CKAP5: variants seen among roughly 807,000 people sequenced by gnomAD.
CKAP5 encodes the protein cytoskeleton-associated protein 5.
Under a neutral mutation model 232.8 loss-of-function variants are expected in CKAP5, and 27 were observed. The observed-to-expected ratio is 0.12, with a 90% confidence interval of 0.09 to 0.16. CKAP5 has a LOEUF of 0.16. Among genes scored for constraint, CKAP5 ranks in the 10% least tolerant of loss-of-function variants. The pLI is 1.00. For synonymous variants in CKAP5, 785 were observed against 841.1 expected (o/e 0.93, Z 1.16); for missense variants, 1,838 against 2,424.7 (o/e 0.76, Z 5.08).
intron 3 of CKAP5, among the ~76,000 whole-genome samples, chr11:46,817,271 C>T (rs977953172): frequency 4.6e-5 from 7 of 152,126 alleles, no homozygotes; most frequent in Non-Finnish European, 8.8e-5. Context: ...CATGCCACTG[C>T]ATCTGGGCAA....
At chr11:46,817,108 A>G (rs1355458454) in intron 3 of CKAP5, among the ~76,000 whole-genome samples, 1 of 151,618 alleles carries the variant, frequency 6.6e-6, no homozygotes, top group Non-Finnish European at 1.5e-5. Flanking sequence ...CTGTGTATCA[A>G]AAAGAAAAAA....
intron 6 of CKAP5, 34 bp from the exon 7 acceptor site, chr11:46,809,534 T>C (rs754197199): frequency 1.3e-6 from 2 of 1,511,546 alleles, no homozygotes; most frequent in Non-Finnish European, 1.8e-6. Context: ...ACCTTAAAAA[T>C]GCTTAGAATT....
Position 46,801,227 on chromosome 11 carries a change from C to A in CKAP5, c.1056G>T (p.Arg352Ser). ...GTCCTGCATATTGTCCAAATTTCTT[C>A]CTTAGCCCAACAGCCAGGCCAGTAA... is the stretch of plus-strand genomic sequence containing the variant. ...KCLTGLAVGL[R>S]KKFGQYAGHV... Residue 352 changes from arginine (R) to serine (S), a missense_variant, in exon 9 of 44, where the codon AGG becomes AGT. Transcript: ENST00000529230. The A allele has an allele frequency of 6.2e-7, 1 of 1,613,602 alleles. No homozygotes were observed. The highest frequency in any genetic ancestry group is 8.5e-7 in the Non-Finnish European group (1 of 1,179,586).
chr11:46,822,622 G>C (rs962958602), intron 1 of CKAP5, among the ~76,000 whole-genome samples: 3 of 151,438 alleles, frequency 2.0e-5, no homozygotes, highest in Admixed American at 2.0e-4. Flanking sequence ...TTGGTGGCTG[G>C]CGCCTGCAGT....
At position 46,777,445 on chromosome 11, in the gene CKAP5, G is replaced by C. The variant is rs2065300429; in HGVS notation, c.2856C>G (p.Asp952Glu). 2 of 1,602,042 alleles carry C rather than the reference G, an allele frequency of 1.2e-6. No homozygotes were observed. The highest frequency in any genetic ancestry group is 1.7e-6 in the Non-Finnish European group (2 of 1,169,138). ...TGAAAAGAGTTAGGTTTACCTTGCT[G>C]TCTCCAAGGACTGTGATGATAGGGA... ...LGIPIITVLG[D>E]SKNNVRAAAL... Residue 952 changes from aspartate (D) to glutamate (E), a missense_variant, in exon 23 of 44, where the codon GAC becomes GAG. Transcript: ENST00000529230.
chr11:46,780,263 G>A lies in CKAP5; in HGVS notation c.2364C>T (p.Pro788=). 1 of 1,614,022 alleles carries A rather than the reference G, an allele frequency of 6.2e-7. No homozygotes were observed. The highest frequency in any genetic ancestry group is 1.6e-4 in the Middle Eastern group (1 of 6,062). ...CATCCTCAAAGAACATTCGCAAAGA[G>A]GGACCAACATACAGATACATCACGC... The part of the protein sequence containing the change: ...LLGVMYLYVG[P]SLRMFFEDEK... The change falls in exon 20 of 44, where the codon CCC becomes CCT. Residue 788 remains proline (P), a synonymous_variant. Coordinates refer to ENST00000529230, the MANE Select transcript of CKAP5 (RefSeq NM_001008938.4).
At chr11:46,788,518 G>A (rs1274321356) in intron 16 of CKAP5, among the ~76,000 whole-genome samples, 163 bp downstream of exon 16, 7 of 151,938 alleles carry the variant, frequency 4.6e-5, no homozygotes, top group Admixed American at 1.3e-4. Context: ...AGGTTGTGGT[G>A]AGCCAAGGTC....
intron 1 of CKAP5, among the ~76,000 whole-genome samples, chr11:46,827,996 C>CTAATT (rs772836306): frequency 1.1e-4 from 16 of 152,258 alleles, no homozygotes; most frequent in Non-Finnish European, 2.1e-4. Context: ...ATTACTCCAC[C>CTAATT]TAATTTAGAT....
intron 3 of CKAP5, among the ~76,000 whole-genome samples, 200 bp from the exon 4 acceptor site, chr11:46,816,604 T>C (rs1337503161): frequency 6.6e-6 from 1 of 152,132 alleles, no homozygotes; most frequent in Non-Finnish European, 1.5e-5. Flanking sequence ...GCAGGCATAG[T>C]AACAGTTTAT....
In CKAP5 at chr11:46,772,417, A is replaced by G. The variant is rs370030683; in HGVS notation, c.2992-1435T>C. 1.4e-3 allele frequency among the ~76,000 whole-genome samples: 213 copies of G among 152,294 alleles called. 4 individuals are homozygous for G. The South Asian group carries it at 0.041, about 29-fold the overall frequency. On this transcript the variant is annotated intron_variant, in intron 24 of 43. Transcript: ENST00000529230. ...CTGGAGATTTTCTAGTTTGCACTTAAAAGTTCTATAGTTTTATGTTTCAAA... is the reference window on the plus strand; with the variant it reads ...CTGGAGATTTTCTAGTTTGCACTTAGAAGTTCTATAGTTTTATGTTTCAAA...
At chr11:46,802,529 G>A (rs1939052210) in intron 8 of CKAP5, among the ~76,000 whole-genome samples, 2 of 149,052 alleles carry the variant, frequency 1.3e-5, no homozygotes, top group African/African-American at 2.6e-5. Context: ...GGGTACCAGA[G>A]CAAGACAGAC....
At chr11:46,821,451 G>A (rs1304264591) in intron 1 of CKAP5, among the ~76,000 whole-genome samples, 183 bp from the exon 2 acceptor site, 1 of 127,074 alleles carries the variant, frequency 7.9e-6, no homozygotes, top group East Asian at 2.2e-4. Flanking sequence ...TTGAGACGGA[G>A]TCTCGCTCTG....
At chr11:46,838,793 CAAAAAAAAAAAAA>C (rs71042626) in intron 1 of CKAP5, among the ~76,000 whole-genome samples, 3 of 45,930 alleles carry the variant, frequency 6.5e-5, no homozygotes, top group Non-Finnish European at 9.8e-5. Context: ...GACCCCATCT[CAAAAAAAAAAAAA>C]AAAAAAAAAA....
chr11:46,825,856 C>A (rs909607034), intron 1 of CKAP5, among the ~76,000 whole-genome samples: 1 of 151,922 alleles, frequency 6.6e-6, no homozygotes, highest in Non-Finnish European at 1.5e-5. Flanking sequence ...TAAAGAAACA[C>A]AACAACTATG....
At chr11:46,759,483 T>A (rs1387917468) in intron 33 of CKAP5, 41 bp from the exon 34 acceptor site, 1 of 1,579,610 alleles carries the variant, frequency 6.3e-7, no homozygotes, top group African/African-American at 1.4e-5. Flanking sequence ...AAAAGAGACT[T>A]CTTAACCAAA....
chr11:46,826,758 T>TTA (rs1479093975), intron 1 of CKAP5: 3 of 153,256 alleles, frequency 2.0e-5, no homozygotes, highest in African/African-American at 7.2e-5. Flanking sequence ...GGTTTGACAC[T>TTA]TACGCTCCCC....
At chr11:46,752,758 C>G in intron 37 of CKAP5, 48 bp from the exon 38 acceptor site, 1 of 1,445,760 alleles carries the variant, frequency 6.9e-7, no homozygotes, top group South Asian at 1.2e-5. Flanking sequence ...AACCTGCATT[C>G]CAATTAGAAT....
At chr11:46,747,598 T>G (rs2065031661) in intron 42 of CKAP5, among the ~76,000 whole-genome samples, 1 of 128,676 alleles carries the variant, frequency 7.8e-6, no homozygotes, top group Non-Finnish European at 1.6e-5. Flanking sequence ...CAAGACTTCA[T>G]CTCAAAAAAA....
chr11:46,793,787 G>A (rs1410187851), intron 13 of CKAP5, among the ~76,000 whole-genome samples: 1 of 152,142 alleles, frequency 6.6e-6, no homozygotes, highest in Non-Finnish European at 1.5e-5. Context: ...AGCTGGGCAT[G>A]GTGGCAGGTG....
Sources: allele counts gnomAD v4.1 joint callset (sites outside exome capture counted in the v4.1 genomes callset), GRCh38; gene constraint gnomAD v4.1.1; transcripts MANE v1.5; gene names NCBI Gene and HGNC (gene_info 2026-07-23, HGNC 2026-07-21).